NPAS1: variants seen among roughly 807,000 people sequenced by gnomAD.
NPAS1 encodes neuronal PAS domain-containing protein 1.
A neutral mutation model predicts 49.2 loss-of-function variants in NPAS1; 29 were observed. That is an observed-to-expected ratio of 0.59 (90% CI 0.44 to 0.80). The LOEUF is 0.80. NPAS1 is among the 30% of genes least tolerant of loss of function. The probability of loss-of-function intolerance (pLI) is 0.00; values close to 1 mark genes in which losing one functional copy is unlikely to be tolerated. For synonymous variants in NPAS1, 408 were observed against 380.4 expected (o/e 1.07, Z -0.84); for missense variants, 825 against 835.5 (o/e 0.99, Z 0.15).
At chr19:47,026,387 C>T (rs60003654) in intron 3 of NPAS1, among the ~76,000 whole-genome samples, 2 of 152,056 alleles carry the variant, frequency 1.3e-5, no homozygotes, top group Non-Finnish European at 2.9e-5. Flanking sequence ...GCCTCATGCA[C>T]TGTGGTAGGG....
rs531585281 is a variant in NPAS1, at chr19:47,042,430, A to G, written c.1218-380A>G. Among the ~76,000 whole-genome samples the G allele has an allele frequency of 2.2e-4, 33 of 152,274 alleles. 1 individual carries two copies. The highest frequency in any genetic ancestry group is 3.4e-3 in the Middle Eastern group (1 of 294). ...CCAGTCCTGGGAAGTGCCAGACTCT[A>G]TGGGGGAGGAGGGGAGGAGACCATC... On this transcript the variant is annotated intron_variant, in intron 10 of 11. Coordinates refer to ENST00000602212, the MANE Select transcript of NPAS1 (RefSeq NM_002517.4).
intron 3 of NPAS1, among the ~76,000 whole-genome samples, chr19:47,028,479 G>A (rs533160761): frequency 2.0e-5 from 3 of 152,196 alleles, no homozygotes; most frequent in Non-Finnish European, 4.4e-5. Flanking sequence ...TTTGATGGTC[G>A]GGTAATAACA....
chr19:47,031,536 T>A (rs2056905700), intron 3 of NPAS1, among the ~76,000 whole-genome samples: 1 of 5,364 alleles, frequency 1.9e-4, no homozygotes, highest in Non-Finnish European at 5.1e-4. Flanking sequence ...TCTTTCTTTC[T>A]TTTTTTTTTT....
chr19:47,035,134 T>G (rs2056939325), intron 5 of NPAS1, among the ~76,000 whole-genome samples: 1 of 150,736 alleles, frequency 6.6e-6, no homozygotes, highest in Non-Finnish European at 1.5e-5. Flanking sequence ...TGAGCCGAGA[T>G]CGCGCCATTG....
intron 5 of NPAS1, among the ~76,000 whole-genome samples, chr19:47,034,132 C>A (rs1599905564): frequency 6.6e-6 from 1 of 151,580 alleles, no homozygotes; most frequent in African/African-American, 2.4e-5. Flanking sequence ...TGGAGAAACC[C>A]CGTCTCTCTA....
chr19:47,039,697 A>C, intron 8 of NPAS1, 133 bp downstream of exon 8: 2 of 1,011,516 alleles, frequency 2.0e-6, no homozygotes, highest in Non-Finnish European at 2.8e-6. Flanking sequence ...ACAGCAATGG[A>C]TGGGACAGGG....
chr19:47,035,191 AAAGAAG>A lies in NPAS1; in HGVS notation c.523-748_523-743del, dbSNP rs56216577. On this transcript the variant is annotated intron_variant, in intron 5 of 11. Coordinates refer to ENST00000602212, the MANE Select transcript of NPAS1 (RefSeq NM_002517.4). ...AGCAAAACTCCGTCTAAAAAAATAA[AAAGAAG>A]AAGAAGAAGAAGAAGAAGAAGAAGG... 1.0e-3 allele frequency: 151 copies of A among 149,016 alleles called. 1 individual carries two copies. The highest frequency in any genetic ancestry group is 6.6e-3 in the South Asian group (31 of 4,690). 9.2% of individuals were successfully genotyped at this position (149,016 alleles called of 1,614,324 possible). A position where few individuals can be genotyped will look rare whatever the true frequency, so the allele number is the denominator to read the frequency against.
At chr19:47,022,815 ATATC>A (rs1389981522) in intron 3 of NPAS1, among the ~76,000 whole-genome samples, 3 of 152,282 alleles carry the variant, frequency 2.0e-5, no homozygotes, top group African/African-American at 7.2e-5. Context: ...ATACAGATAA[ATATC>A]TAAGTTTATT....
chr19:47,036,175 G>A, intron 6 of NPAS1, 46 bp downstream of exon 6: 3 of 1,534,536 alleles, frequency 2.0e-6, no homozygotes, highest in Non-Finnish European at 2.6e-6. Flanking sequence ...GGTAGATCGG[G>A]GGACGCCCGC....
chr19:47,040,907 T>TCTA, intron 9 of NPAS1, 71 bp from the exon 10 acceptor site: 1 of 1,314,908 alleles, frequency 7.6e-7, no homozygotes, highest in Non-Finnish European at 1.0e-6. Context: ...TCTCCTCCTG[T>TCTA]CTACCTGGCT....
rs867802540 is a variant in NPAS1 at position 47,045,233 on chromosome 19, A to C, written c.1355A>C (p.Glu452Ala). The change falls in exon 12 of 12, where the codon GAG becomes GCG. Residue 452 changes from glutamate (E) to alanine (A), a missense_variant. By Grantham distance (107) the Glu-to-Ala change is moderately radical (BLOSUM62 -1). Transcript: ENST00000602212. Reference sequence around the variant, plus strand: ...GAAGGGAAGCAGGCTGCCCCAGCGGAGAACGAGGCCCCCCAGACCCAGGGC... The same window carrying C: ...GAAGGGAAGCAGGCTGCCCCAGCGGCGAACGAGGCCCCCCAGACCCAGGGC... ...PTEGKQAAPA[E>A]NEAPQTQGKR... is the part of the protein sequence containing the mutation. 2 of 1,613,748 alleles carry C rather than the reference A, an allele frequency of 1.2e-6. No individual in the cohort carries two copies. The highest frequency in any genetic ancestry group is 1.3e-5 in the African/African-American group (1 of 74,922).
intron 6 of NPAS1, among the ~76,000 whole-genome samples, chr19:47,037,891 TTCCCCAA>T (rs2056974718): frequency 6.6e-6 from 1 of 152,212 alleles, no homozygotes; most frequent in Admixed American, 6.5e-5. Flanking sequence ...TTTATTGCTA[TTCCCCAA>T]TCCCCTGTTC....
At chr19:47,035,221 G>GAAGAAGTAGAAGAAGAAGAA (rs56400118) in intron 5 of NPAS1, 1 of 151,782 alleles carries the variant, frequency 6.6e-6, no homozygotes. Flanking sequence ...AGAAGAAGAA[G>GAAGAAGTAGAAGAAGAAGAA]GAAAGGCTTG....
At position 47,032,731 on chromosome 19, in the gene NPAS1, A is replaced by C; in HGVS notation, c.521A>C (p.Gln174Pro). The C allele has an allele frequency of 6.2e-7, 1 of 1,610,642 alleles. No individual in the cohort carries two copies. The highest frequency in any genetic ancestry group is 1.1e-5 in the South Asian group (1 of 91,016). ...GTCTCCATCTATCTGGGTCTCTCAC[A>C]GGTAAGGGACCCCCAGTGGACCTGG... ...ETVSIYLGLSQVEMTGSSVFD... is the reference protein window; with the variant it reads ...ETVSIYLGLSPVEMTGSSVFD... Residue 174 changes from glutamine (Q) to proline (P), a missense_variant and splice_region_variant, in exon 5 of 12, where the codon CAG (glutamine) becomes CCG (proline). Gln to Pro is a moderately conservative substitution (Grantham distance 76). Coordinates refer to ENST00000602212, the MANE Select transcript of NPAS1 (RefSeq NM_002517.4).
rs1568509418 is a variant in NPAS1 at position 47,040,435 on chromosome 19, A to G, written c.963-9A>G. The G allele has an allele frequency of 1.3e-6, 2 of 1,566,642 alleles. No homozygotes were observed. Among genetic ancestry groups the G allele is most frequent in the South Asian group, 2.3e-5 (2 of 85,542 alleles). ...TTGGACTCCTCCCCTCTTCTCTGTC[A>G]CCCCCCAGAGTCAGCGACCACATGG... On this transcript the variant is annotated splice_polypyrimidine_tract_variant and intron_variant, in intron 8 of 11. Coordinates refer to ENST00000602212, the MANE Select transcript of NPAS1 (RefSeq NM_002517.4).
chr19:47,045,617 C>A lies in NPAS1; in HGVS notation c.1739C>A (p.Pro580His). Residue 580 changes from proline to histidine, a missense_variant, in exon 12 of 12, where the codon CCC becomes CAC. By Grantham distance (77) the Pro-to-His change is moderately conservative (BLOSUM62 -2). Transcript: ENST00000602212. ...CCCCTGGGCCTGCCCTACCCGGGGC[C>A]CGCGGGCACCAGGCTGCCGCGGAAG... ...YPPLGLPYPG[P>H]AGTRLPRKGD The A allele has an allele frequency of 2.1e-6, 3 of 1,441,704 alleles. No individual in the cohort carries two copies. The South Asian group carries it at 4.3e-5, about 21-fold the overall frequency. The allele number at this position is 1,441,704 out of a possible 1,614,324, so 89.3% of individuals were successfully genotyped here.
chr19:47,033,468 T>C (rs1293880915), intron 5 of NPAS1, among the ~76,000 whole-genome samples: 1 of 151,752 alleles, frequency 6.6e-6, no homozygotes, highest in Non-Finnish European at 1.5e-5. Flanking sequence ...TCTTGAACTC[T>C]CAATCTCAGG....
At chr19:47,022,551 C>T (rs557418114) in intron 3 of NPAS1, among the ~76,000 whole-genome samples, 1 of 148,296 alleles carries the variant, frequency 6.7e-6, no homozygotes, top group African/African-American at 2.5e-5. Context: ...GCTATGCGGC[C>T]AATGCTGTTA....
intron 11 of NPAS1, among the ~76,000 whole-genome samples, chr19:47,043,277 T>C (rs368383645): frequency 2.3e-4 from 1 of 4,296 alleles, no homozygotes. Flanking sequence ...AGACTCTGTC[T>C]CAAAAAAAAA....
Sources: allele counts gnomAD v4.1 joint callset (sites outside exome capture counted in the v4.1 genomes callset), GRCh38; gene constraint gnomAD v4.1.1; transcripts MANE v1.5; gene names NCBI Gene and HGNC (gene_info 2026-07-23, HGNC 2026-07-21).